LAMC3: variants seen among roughly 807,000 people sequenced by gnomAD.
LAMC3 encodes laminin subunit gamma-3.
LAMC3 carries 128 observed loss-of-function variants against 173.8 expected under a neutral mutation model. The observed-to-expected ratio is 0.74, with a 90% CI of 0.64 to 0.85. LAMC3 has a LOEUF of 0.85. Among genes scored for constraint, LAMC3 ranks in the 40% least tolerant of loss-of-function variants. LAMC3 has a pLI of 0.00. For missense variants in LAMC3, 2,022 were observed against 2,156.0 expected, an observed-to-expected ratio of 0.94 and a Z score of 1.23; for synonymous variants, 897 against 909.1, an observed-to-expected ratio of 0.99 and a Z score of 0.24.
At chr9:131,040,416 T>C (rs1834027751) in intron 6 of LAMC3, among the ~76,000 whole-genome samples, 1 of 152,132 alleles carries the variant, frequency 6.6e-6, no homozygotes, top group Admixed American at 6.5e-5. Context: ...TGGGCTCAAG[T>C]AATCCACCCT....
At chr9:131,049,922 C>T (rs1229642565) in intron 9 of LAMC3, among the ~76,000 whole-genome samples, 2 of 152,208 alleles carry the variant, frequency 1.3e-5, no homozygotes, top group African/African-American at 4.8e-5. Flanking sequence ...CATCTTTAGC[C>T]CCACTGTGGC....
intron 12 of LAMC3, among the ~76,000 whole-genome samples, chr9:131,060,438 G>A (rs1019876444): frequency 1.5e-4 from 23 of 152,124 alleles, no homozygotes; most frequent in African/African-American, 5.1e-4. Flanking sequence ...GAGGTCAGGA[G>A]TTTGAGACCA....
chr9:131,046,180 C>CTT (rs61108655), intron 8 of LAMC3, among the ~76,000 whole-genome samples: 1,204 of 76,582 alleles, frequency 0.016, 128 homozygotes, highest in African/African-American at 0.022. Flanking sequence ...AGTTTTGCTC[C>CTT]TTTTTTTTTT....
At chr9:131,080,457 G>A (rs1830218664) in intron 23 of LAMC3, 1 of 148,374 alleles carries the variant, frequency 6.7e-6, no homozygotes, top group Admixed American at 6.7e-5. Context: ...CCCAGCTAAT[G>A]TTTGTATTTT....
At chr9:131,060,188 G>A (rs975075283) in intron 12 of LAMC3, among the ~76,000 whole-genome samples, 1 of 152,186 alleles carries the variant, frequency 6.6e-6, no homozygotes, top group Admixed American at 6.5e-5. Context: ...CCATAAAGGG[G>A]AGCCTCTTTG....
chr9:131,069,083 G>A, intron 16 of LAMC3, 33 bp downstream of exon 16: 1 of 1,611,890 alleles, frequency 6.2e-7, no homozygotes, highest in South Asian at 1.1e-5. Flanking sequence ...GGGCTGCCCT[G>A]AGGGTGGGGC....
chr9:131,088,096 A>G (rs1221723715), intron 27 of LAMC3, among the ~76,000 whole-genome samples: 1 of 152,130 alleles, frequency 6.6e-6, no homozygotes, highest in Non-Finnish European at 1.5e-5. Context: ...GCACACAGAA[A>G]ACTCACCATT....
At chr9:131,016,838 A>G (rs1467013386) in intron 1 of LAMC3, among the ~76,000 whole-genome samples, 3 of 152,258 alleles carry the variant, frequency 2.0e-5, no homozygotes, top group Admixed American at 6.5e-5. Context: ...CAGGACTTGC[A>G]GTGACTTTTC....
At chr9:131,057,224 G>A in intron 12 of LAMC3, 77 bp downstream of exon 12, 3 of 1,275,742 alleles carry the variant, frequency 2.4e-6, no homozygotes, top group East Asian at 2.4e-5. Flanking sequence ...CCTGAACAGG[G>A]CCAGCCTGGC....
In LAMC3 at chr9:131,036,155, T is replaced by C. The variant is rs754650663; in HGVS notation, c.810-11T>C. On this transcript the variant is annotated splice_polypyrimidine_tract_variant and intron_variant, in intron 3 of 27. Transcript: ENST00000361069. ...CTGCGGGTCCCCTTCCTCCTCTGTG[T>C]CTTTTCCCAGGTGCAAGTGCAACGG... 3.1e-6 allele frequency: 5 copies of C among 1,613,008 alleles called. No homozygotes were observed. The Admixed American group carries it at 5.0e-5, about 16-fold the overall frequency.
rs754510883 is a variant in LAMC3, at chr9:131,077,205, G to A, written c.3648G>A (p.Ala1216=). The A allele has an allele frequency of 3.6e-5, 58 of 1,613,790 alleles. No individual in the cohort carries two copies. Among genetic ancestry groups the A allele is most frequent in the East Asian group, 1.3e-4 (6 of 44,876 alleles). The change falls in exon 22 of 28, where the codon GCG becomes GCA. Residue 1216 remains alanine (A), a synonymous_variant. Transcript: ENST00000361069. ...CTCCCAGGTACCAGGAGGTCCAGGCGGCCCAGAAAGCACTGAGGACGGCTG... is the reference window on the plus strand; with the variant it reads ...CTCCCAGGTACCAGGAGGTCCAGGCAGCCCAGAAAGCACTGAGGACGGCTG... ...DLEDRYQEVQ[A]AQKALRTAVA...
At chr9:131,089,684 G>A (rs538279088) in intron 27 of LAMC3, among the ~76,000 whole-genome samples, 7 of 151,930 alleles carry the variant, frequency 4.6e-5, no homozygotes, top group Admixed American at 2.6e-4. Context: ...CACCATGCCC[G>A]GCCTTATTTG....
At chr9:131,021,129 G>C (rs1833616599) in intron 1 of LAMC3, 2 of 152,122 alleles carry the variant, frequency 1.3e-5, no homozygotes, top group African/African-American at 4.8e-5. Context: ...TGCTTACAAG[G>C]TTATTCTTGA....
chr9:131,009,616 G>A lies in LAMC3; in HGVS notation c.373+29G>A. 4 of 1,554,656 alleles carry A rather than the reference G, an allele frequency of 2.6e-6. No individual in the cohort carries two copies. The highest frequency in any genetic ancestry group is 2.4e-5 in the East Asian group (1 of 41,458). ...AGCGCGGGCTGGGGGCACCGCCACC[G>A]CACCCCGTGTCCCCACTCCACTGGG... On this transcript the variant is annotated intron_variant, in intron 1 of 27. Transcript: ENST00000361069. This position sits in a 1 kb window ranked among gnomAD's most constrained non-coding sequence, Gnocchi z 4.3.
In LAMC3 at chr9:131,041,754, C is replaced by T; in HGVS notation, c.1382+19C>T. ...GTGACAGGTTTGTGAGCTAATCCAG[C>T]AGTAAGCTTGCTGGAAGTGACCTGG... On this transcript the variant is annotated intron_variant, in intron 7 of 27. Coordinates refer to ENST00000361069, the MANE Select transcript of LAMC3 (RefSeq NM_006059.4). 6.2e-7 allele frequency: 1 copy of T among 1,606,696 alleles called. No homozygotes were observed.
chr9:131,052,309 G>A (rs1246464989), intron 9 of LAMC3, among the ~76,000 whole-genome samples, 182 bp from the exon 10 acceptor site: 3 of 152,352 alleles, frequency 2.0e-5, no homozygotes, highest in Admixed American at 6.5e-5. Context: ...GTGTGGGGGC[G>A]TGTGTGACTG....
At chr9:131,065,293 C>T (rs1408124368) in intron 13 of LAMC3, among the ~76,000 whole-genome samples, 1 of 152,190 alleles carries the variant, frequency 6.6e-6, no homozygotes, top group African/African-American at 2.4e-5. Flanking sequence ...CCTCGCACAG[C>T]ATGTCTTCTG....
chr9:131,075,644 G>A (rs1830109711), intron 20 of LAMC3, among the ~76,000 whole-genome samples, 187 bp from the exon 21 acceptor site: 1 of 152,130 alleles, frequency 6.6e-6, no homozygotes, highest in Non-Finnish European at 1.5e-5. Flanking sequence ...ACAGAAACAG[G>A]GCATGGAGTA....
intron 9 of LAMC3, among the ~76,000 whole-genome samples, chr9:131,051,927 C>G (rs2133279605): frequency 6.6e-6 from 1 of 152,282 alleles, no homozygotes; most frequent in Non-Finnish European, 1.5e-5. Context: ...TCAGAAGGTA[C>G]CGCACAGCGC....
Sources: gnomAD v4.1 joint callset for allele counts (sites outside exome capture counted in the v4.1 genomes callset) on GRCh38, gnomAD v4.1.1 for gene constraint, Gnocchi (gnomAD v3.1) non-coding constraint, MANE v1.5 for transcripts, NCBI Gene and HGNC (gene_info 2026-07-23, HGNC 2026-07-21) for gene names.